UNC79: variants seen among roughly 807,000 people sequenced by gnomAD.
The protein encoded by UNC79 is unc-79 subunit of NALCN channel complex.
UNC79 carries 37 observed loss-of-function variants against 283.1 expected under a neutral mutation model. That is an observed-to-expected ratio of 0.13 (90% CI 0.10 to 0.17). The LOEUF (loss-of-function observed/expected upper bound fraction) is 0.17, where lower values mean the gene tolerates loss of function less well. UNC79 is among the 10% of genes least tolerant of loss of function. The pLI, the probability that UNC79 is intolerant of heterozygous loss-of-function variation, is 1.00. For synonymous variants in UNC79, 1,107 were observed against 1,200.2 expected (o/e 0.92, Z 1.61); for missense variants, 2,272 against 3,211.1 (o/e 0.71, Z 7.07).
intron 31 of UNC79, among the ~76,000 whole-genome samples, 194 bp downstream of exon 34, chr14:93,634,831 G>C (rs904265918): frequency 6.6e-6 from 1 of 152,102 alleles, no homozygotes; most frequent in East Asian, 1.9e-4. Context: ...ACGCTCTTCC[G>C]TTGAGGCTGG....
Position 93,466,441 on chromosome 14 carries a change from A to T in UNC79, c.23-1230A>T, listed in dbSNP as rs192799335. Among the ~76,000 whole-genome samples the T allele has an allele frequency of 3.9e-5, 6 of 152,318 alleles. No individual in the cohort carries two copies. The East Asian group carries it at 1.2e-3, about 29-fold the overall frequency. On this transcript the variant is annotated intron_variant, in intron 1 of 48. Coordinates refer to ENST00000555664, the Ensembl canonical transcript of UNC79. ...AAAGATCACTGGATTGGGATCAGGA[A>T]ATCTAAGTACTAGTCTGGCTCTGCC...
chr14:93,681,643 C>T (rs750347907), intron 41 of UNC79, among the ~76,000 whole-genome samples: 6 of 152,178 alleles, frequency 3.9e-5, no homozygotes, highest in Non-Finnish European at 5.9e-5. Flanking sequence ...GGTGCTGAAA[C>T]TTCTGAACTC....
chr14:93,606,104 T>G (rs1389706941), intron 26 of UNC79, among the ~76,000 whole-genome samples: 1 of 152,226 alleles, frequency 6.6e-6, no homozygotes, highest in Non-Finnish European at 1.5e-5. Flanking sequence ...TTTATTTTAC[T>G]CTAGCTTGTC....
At chr14:93,663,644 C>T (rs1213220324) in intron 40 of UNC79, among the ~76,000 whole-genome samples, 1 of 152,062 alleles carries the variant, frequency 6.6e-6, no homozygotes, top group Non-Finnish European at 1.5e-5. Flanking sequence ...CCATGGTAAT[C>T]TTTGTTTTTC....
intron 1 of UNC79, among the ~76,000 whole-genome samples, chr14:93,453,067 G>A (rs1187775934): frequency 2.6e-5 from 4 of 152,196 alleles, no homozygotes; most frequent in Non-Finnish European, 5.9e-5. Context: ...TTTTAGCACT[G>A]TCATGGAAGA....
rs1376230402 is a variant in UNC79, at chr14:93,603,481, CT to C, written c.3754+65del. Reference sequence around the variant, plus strand: ...TAATGTCTTTCTGAGGCTGACTTGTCTTGTTGAATGTTCACAGAGAGTATAG... The same window carrying C: ...TAATGTCTTTCTGAGGCTGACTTGTCTGTTGAATGTTCACAGAGAGTATAG... On this transcript the variant is annotated intron_variant, in intron 26 of 48. Transcript: ENST00000555664. 1.8e-5 allele frequency: 28 copies of C among 1,553,256 alleles called. No homozygotes were observed. The Admixed American group carries it at 2.3e-4, about 13-fold the overall frequency.
At chr14:93,671,370 G>T (rs2072833811) in intron 40 of UNC79, among the ~76,000 whole-genome samples, 1 of 152,128 alleles carries the variant, frequency 6.6e-6, no homozygotes, top group Non-Finnish European at 1.5e-5. Context: ...GCACTGTATA[G>T]GTAGCTTCAG....
upstream of UNC79, among the ~76,000 whole-genome samples, chr14:93,428,519 C>G (rs1038051021): frequency 1.6e-4 from 25 of 152,104 alleles, no homozygotes; most frequent in African/African-American, 6.0e-4. Context: ...AATGGTGAAA[C>G]TGAGTAATGG....
chr14:93,580,397 G>A (rs2141735292), intron 19 of UNC79, 21 bp downstream of exon 19: 1 of 1,609,270 alleles, frequency 6.2e-7, no homozygotes, highest in East Asian at 2.2e-5. Context: ...GAAGAAACGA[G>A]ATGACCCATG....
At chr14:93,599,384 GTA>G (rs1491138175) in intron 24 of UNC79, among the ~76,000 whole-genome samples, 6 of 140,702 alleles carry the variant, frequency 4.3e-5, no homozygotes, top group East Asian at 2.1e-4. Context: ...GTGTGTGTGT[GTA>G]TGTGTGCATA....
At position 93,528,571 on chromosome 14, in the gene UNC79, C is replaced by T; in HGVS notation, c.977C>T (p.Pro326Leu). ...CATATGTTTCAGATGTGTATAGACC[C>T]TTCCCTGTCAGTAGCGTTGGGTGAT... Residue 326 changes from proline (P) to leucine (L), a missense_variant, in exon 9 of 49, where the codon CCT (proline) becomes CTT (leucine). Physicochemically the swap from Pro to Leu is moderately conservative, Grantham distance 98. Coordinates refer to ENST00000555664, the Ensembl canonical transcript of UNC79. The T allele has an allele frequency of 6.2e-7, 1 of 1,613,862 alleles. No homozygotes were observed. The highest frequency in any genetic ancestry group is 8.5e-7 in the Non-Finnish European group (1 of 1,179,792).
intron 1 of UNC79, among the ~76,000 whole-genome samples, chr14:93,381,539 G>C (rs2054665300): frequency 6.6e-6 from 1 of 152,210 alleles, no homozygotes. Flanking sequence ...TAGTGCTCAA[G>C]AAGCGTGCTA....
At chr14:93,611,632 G>A (rs1000419814) in intron 26 of UNC79, among the ~76,000 whole-genome samples, 18 of 152,136 alleles carry the variant, frequency 1.2e-4, no homozygotes, top group African/African-American at 3.9e-4. Flanking sequence ...GAGTTAATAG[G>A]TATAAATGAC....
intron 10 of UNC79, among the ~76,000 whole-genome samples, chr14:93,530,443 G>A (rs1271957906): frequency 6.6e-6 from 1 of 151,448 alleles, no homozygotes; most frequent in Admixed American, 6.6e-5. Context: ...AATTTAGGAG[G>A]GCAGGAGAGA....
chr14:93,480,240 A>G (rs144659016), intron 4 of UNC79, among the ~76,000 whole-genome samples: 1 of 152,338 alleles, frequency 6.6e-6, no homozygotes, highest in East Asian at 1.9e-4. Context: ...TTTAATGTTT[A>G]TTAGAGGAGT....
chr14:93,376,867 A>AAAAATATAT (rs542165298), intron 1 of UNC79, among the ~76,000 whole-genome samples: 2 of 148,046 alleles, frequency 1.4e-5, no homozygotes, highest in East Asian at 2.0e-4. Flanking sequence ...AATTATATAT[A>AAAAATATAT]AAAATATATA....
chr14:93,567,944 G>A (rs1309916767), intron 14 of UNC79, among the ~76,000 whole-genome samples: 2 of 152,216 alleles, frequency 1.3e-5, no homozygotes, highest in South Asian at 2.1e-4. Context: ...TCGAAACAGG[G>A]AGGGAGCTTC....
chr14:93,599,294 A>G (rs577453510), intron 24 of UNC79, among the ~76,000 whole-genome samples: 3 of 152,296 alleles, frequency 2.0e-5, no homozygotes, highest in South Asian at 2.1e-4. Context: ...TCAGAGTCAC[A>G]TAGCTAGTTA....
At chr14:93,463,497 G>C (rs922226419) in intron 1 of UNC79, among the ~76,000 whole-genome samples, 16 of 152,176 alleles carry the variant, frequency 1.1e-4, no homozygotes, top group African/African-American at 3.9e-4. Context: ...TCTACAGTTT[G>C]TTTGAATCCT....
Sources: allele counts gnomAD v4.1 joint callset (sites outside exome capture counted in the v4.1 genomes callset), GRCh38; gene constraint gnomAD v4.1.1; transcripts MANE v1.5; gene names NCBI Gene and HGNC (gene_info 2026-07-23, HGNC 2026-07-21).